The following TMTC1 variants were observed in gnomAD, a reference collection of about 807,000 sequenced individuals.
The protein encoded by TMTC1 is transmembrane O-mannosyltransferase targeting cadherins 1.
Under a neutral mutation model 104.8 loss-of-function variants are expected in TMTC1, and 73 were observed. That is an observed-to-expected ratio of 0.70 (90% CI 0.58 to 0.85). The LOEUF is 0.85. Among genes scored for constraint, TMTC1 ranks in the 40% least tolerant of loss-of-function variants. The probability of loss-of-function intolerance (pLI) is 0.00; values close to 1 mark genes in which losing one functional copy is unlikely to be tolerated. For synonymous variants in TMTC1, 434 were observed against 428.7 expected, an observed-to-expected ratio of 1.01 and a Z score of -0.15; for missense variants, 1,035 against 1,096.1, an observed-to-expected ratio of 0.94 and a Z score of 0.79.
At chr12:29,691,346 C>G (rs550064220) in intron 5 of TMTC1, among the ~76,000 whole-genome samples, 1 of 152,212 alleles carries the variant, frequency 6.6e-6, no homozygotes, top group South Asian at 2.1e-4. Flanking sequence ...GGTTCCATCT[C>G]CAACCCAACT....
Position 29,783,587 on chromosome 12 carries a change from C to T in TMTC1, c.165G>A (p.Trp55Ter), listed in dbSNP as rs1943888162. 1.3e-6 allele frequency: 2 copies of T among 1,481,576 alleles called. No individual in the cohort carries two copies. Among genetic ancestry groups the T allele is most frequent in the African/African-American group, 2.9e-5 (2 of 69,472 alleles). 91.8% of individuals were successfully genotyped at this position (1,481,576 alleles called of 1,614,324 possible). ...GCACGTCGGGGTTGTTCACGATCGC[C>T]CACACGTCGTCGTGCACGAACTCGC... ...LQGEFVHDDV[W>*]AIVNNPDVRP... The change falls in exon 1 of 18, where the codon TGG becomes TGA. Residue 55 changes from tryptophan (W) to a stop codon, truncating the protein, a stop_gained. Transcript: ENST00000539277. LOFTEE classifies it high-confidence loss of function. The surrounding 1 kb of genome is among the most constrained non-coding windows in gnomAD (Gnocchi z 4.7).
chr12:29,685,808 T>C (rs1026999858), intron 5 of TMTC1, among the ~76,000 whole-genome samples: 6 of 151,964 alleles, frequency 3.9e-5, no homozygotes, highest in African/African-American at 1.4e-4. Flanking sequence ...TCAAATTTTG[T>C]AAGATAGATT....
At chr12:29,779,829 AT>A (rs1943792837) in intron 1 of TMTC1, among the ~76,000 whole-genome samples, 2 of 30,210 alleles carry the variant, frequency 6.6e-5, no homozygotes, top group African/African-American at 9.1e-5. Flanking sequence ...AATACTCAAC[AT>A]TTAAAAAAAA....
At chr12:29,771,152 G>A (rs542351079) in intron 1 of TMTC1, among the ~76,000 whole-genome samples, 1 of 152,126 alleles carries the variant, frequency 6.6e-6, no homozygotes, top group Admixed American at 6.6e-5. Flanking sequence ...ACTATACAGT[G>A]TATACTTATC....
chr12:29,703,315 T>A (rs1941653290), intron 5 of TMTC1, among the ~76,000 whole-genome samples: 1 of 152,046 alleles, frequency 6.6e-6, no homozygotes, highest in African/African-American at 2.4e-5. Context: ...ACCTAGAAAA[T>A]CTTCTTCAAA....
At chr12:29,749,716 G>C (rs1943042052) in intron 5 of TMTC1, among the ~76,000 whole-genome samples, 1 of 151,854 alleles carries the variant, frequency 6.6e-6, no homozygotes, top group African/African-American at 2.4e-5. Context: ...CCAACCCCCA[G>C]AAAATCTATT....
intron 5 of TMTC1, among the ~76,000 whole-genome samples, chr12:29,681,068 C>T (rs1940898624): frequency 1.5e-5 from 2 of 136,168 alleles, no homozygotes; most frequent in Admixed American, 8.2e-5. Flanking sequence ...CACCGCACAC[C>T]AGCCTGGGCA....
intron 2 of TMTC1, among the ~76,000 whole-genome samples, chr12:29,762,801 G>A (rs528307351): frequency 5.3e-5 from 8 of 152,302 alleles, no homozygotes; most frequent in South Asian, 2.1e-4. Context: ...GTGTGGTGTC[G>A]CCACAATGTC....
At chr12:29,772,076 T>C (rs1419423697) in intron 1 of TMTC1, among the ~76,000 whole-genome samples, 1 of 152,234 alleles carries the variant, frequency 6.6e-6, no homozygotes, top group African/African-American at 2.4e-5. Flanking sequence ...AATAAAGATG[T>C]TGCAAACTGT....
intron 5 of TMTC1, among the ~76,000 whole-genome samples, chr12:29,653,108 C>T (rs866225045): frequency 6.6e-6 from 1 of 150,818 alleles, no homozygotes; most frequent in African/African-American, 2.4e-5. Context: ...TTTATATATA[C>T]TTATATATCT....
upstream of TMTC1, among the ~76,000 whole-genome samples, chr12:29,784,078 C>T (rs1165972415): frequency 1.3e-5 from 2 of 151,570 alleles, no homozygotes; most frequent in South Asian, 2.1e-4. Flanking sequence ...CCTCTGCCCC[C>T]GGCCCGCCTT....
intron 5 of TMTC1, among the ~76,000 whole-genome samples, chr12:29,698,751 G>T (rs1450420734): frequency 6.6e-6 from 1 of 152,118 alleles, no homozygotes; most frequent in Non-Finnish European, 1.5e-5. Context: ...CACAAGTCTT[G>T]CCAGAGTATG....
At chr12:29,774,313 G>A (rs1199238599) in intron 1 of TMTC1, among the ~76,000 whole-genome samples, 1 of 152,120 alleles carries the variant, frequency 6.6e-6, no homozygotes, top group African/African-American at 2.4e-5. Flanking sequence ...TTCAAAGTCA[G>A]GTGATACTCA....
intron 5 of TMTC1, among the ~76,000 whole-genome samples, chr12:29,642,246 G>C (rs900435010): frequency 8.5e-5 from 13 of 152,086 alleles, no homozygotes; most frequent in African/African-American, 3.1e-4. Context: ...AAGAACACCG[G>C]GAAATTCATC....
intron 5 of TMTC1, among the ~76,000 whole-genome samples, chr12:29,686,551 G>C (rs772852454): frequency 2.6e-5 from 4 of 152,176 alleles, no homozygotes; most frequent in Non-Finnish European, 4.4e-5. Flanking sequence ...ATGCTGGGAA[G>C]AGATGCATCC....
chr12:29,670,761 T>C (rs1190747648), intron 5 of TMTC1, among the ~76,000 whole-genome samples: 19 of 151,576 alleles, frequency 1.3e-4, no homozygotes, highest in Admixed American at 1.2e-3. Context: ...AAACCTCATC[T>C]GTATTAAAAA....
intron 2 of TMTC1, among the ~76,000 whole-genome samples, chr12:29,758,978 A>T (rs1943279783): frequency 6.6e-6 from 1 of 152,192 alleles, no homozygotes; most frequent in Non-Finnish European, 1.5e-5. Flanking sequence ...TTATGTAAGG[A>T]AAAAAGAGGA....
intron 5 of TMTC1, among the ~76,000 whole-genome samples, chr12:29,695,262 T>G (rs1302877381): frequency 6.6e-6 from 1 of 152,164 alleles, no homozygotes; most frequent in Non-Finnish European, 1.5e-5. Context: ...ATTAATTACA[T>G]CTGCAAAGAC....
chr12:29,713,947 G>C (rs141169435), intron 5 of TMTC1, among the ~76,000 whole-genome samples: 1,532 of 152,184 alleles, frequency 0.01, 30 homozygotes, highest in African/African-American at 0.035. Context: ...AGCAGGGCTT[G>C]CAGCTGCGGG....
Sources: gnomAD v4.1 joint callset for allele counts (sites outside exome capture counted in the v4.1 genomes callset) on GRCh38, gnomAD v4.1.1 for gene constraint, Gnocchi (gnomAD v3.1) non-coding constraint, MANE v1.5 for transcripts, NCBI Gene and HGNC (gene_info 2026-07-23, HGNC 2026-07-21) for gene names.